The following SPIRE1 variants were observed in gnomAD, a reference collection of about 807,000 sequenced individuals.
The protein encoded by SPIRE1 is protein spire homolog 1.
Under a neutral mutation model 94.1 loss-of-function variants are expected in SPIRE1, and 40 were observed. The observed-to-expected ratio is 0.43, with a 90% CI of 0.33 to 0.55. SPIRE1 has a LOEUF of 0.55. Among genes scored for constraint, SPIRE1 ranks in the 20% least tolerant of loss-of-function variants. The pLI is 0.06. For missense variants in SPIRE1, 838 were observed against 975.2 expected (o/e 0.86, Z 1.87); for synonymous variants, 376 against 371.7 (o/e 1.01, Z -0.13).
intron 12 of SPIRE1, among the ~76,000 whole-genome samples, chr18:12,461,575 A>G (rs4998305): frequency 0.16 from 11,620 of 74,152 alleles, 687 homozygotes; most frequent in East Asian, 0.27. Flanking sequence ...ATGTATGTAC[A>G]TACATATGTA....
In SPIRE1 at chr18:12,541,622, G is replaced by A. The variant is rs74893912; in HGVS notation, c.603+5052C>T. ...TAGGTCCATTTTATATTAAAATAAT[G>A]TCTGTGATACTTTTCTTTTGGTTAG... is the stretch of plus-strand genomic sequence containing the variant. On this transcript the variant is annotated intron_variant, in intron 3 of 16. Transcript: ENST00000409402. Among the ~76,000 whole-genome samples the A allele has an allele frequency of 2.2e-3, 338 of 152,034 alleles. 12 individuals carry two copies. The East Asian group carries it at 0.061, about 28-fold the overall frequency.
chr18:12,574,240 T>G (rs2036033946), intron 2 of SPIRE1, among the ~76,000 whole-genome samples: 1 of 152,184 alleles, frequency 6.6e-6, no homozygotes, highest in South Asian at 2.1e-4. Context: ...AAAGTATTAA[T>G]TTTTAAAAAA....
chr18:12,622,372 C>T (rs2037496238), intron 2 of SPIRE1, among the ~76,000 whole-genome samples: 2 of 151,000 alleles, frequency 1.3e-5, no homozygotes, highest in South Asian at 4.2e-4. Flanking sequence ...AAAAAAATTT[C>T]AGACAGAAAT....
At chr18:12,622,604 A>C (rs2144748727) in intron 2 of SPIRE1, among the ~76,000 whole-genome samples, 1 of 150,852 alleles carries the variant, frequency 6.6e-6, no homozygotes, top group Non-Finnish European at 1.5e-5. Flanking sequence ...TTGTATTTTT[A>C]GTAGAGACAG....
At chr18:12,583,171 T>C (rs1381874035) in intron 2 of SPIRE1, among the ~76,000 whole-genome samples, 1 of 152,112 alleles carries the variant, frequency 6.6e-6, no homozygotes, top group Non-Finnish European at 1.5e-5. Context: ...TCAGAAATCA[T>C]AATAAGTGTA....
At chr18:12,598,491 G>C (rs2036741573) in intron 2 of SPIRE1, among the ~76,000 whole-genome samples, 2 of 151,382 alleles carry the variant, frequency 1.3e-5, no homozygotes, top group African/African-American at 2.4e-5. Flanking sequence ...AACTTCACCA[G>C]ACCAAATTAA....
At position 12,546,772 on chromosome 18, in the gene SPIRE1, T is replaced by C; in HGVS notation, c.505A>G (p.Ser169Gly). ...HMANTVEADG[S>G]NDEGYEAAEE... ...GCAGCCTCATAGCCCTCATCATTGC[T>C]ACCGTCAGCTTCCACCGTGTTGGCC... Residue 169 changes from serine (S) to glycine (G), a missense_variant, in exon 3 of 17, where the codon AGC becomes GGC. By Grantham distance (56) the Ser-to-Gly change is moderately conservative (BLOSUM62 0). Around this residue, in one of 2 missense-constraint regions of SPIRE1, gnomAD observed 645 missense variants for 804.7 expected, o/e 0.80. Transcript: ENST00000409402. The C allele has an allele frequency of 6.2e-7, 1 of 1,614,162 alleles. No individual in the cohort carries two copies. Among genetic ancestry groups the C allele is most frequent in the South Asian group, 1.1e-5 (1 of 91,074 alleles).
chr18:12,561,979 C>T (rs2035700115), intron 2 of SPIRE1, among the ~76,000 whole-genome samples: 1 of 152,138 alleles, frequency 6.6e-6, no homozygotes, highest in African/African-American at 2.4e-5. Flanking sequence ...AGTACTATCA[C>T]CAGCAACATT....
intron 4 of SPIRE1, among the ~76,000 whole-genome samples, chr18:12,521,824 C>T (rs1419685077): frequency 6.6e-6 from 1 of 151,778 alleles, no homozygotes; most frequent in Non-Finnish European, 1.5e-5. Flanking sequence ...TTTGATGTTA[C>T]TATTGTCATT....
intron 5 of SPIRE1, among the ~76,000 whole-genome samples, chr18:12,507,929 G>A (rs972595456): frequency 8.6e-5 from 13 of 151,946 alleles, no homozygotes; most frequent in Admixed American, 4.6e-4. Context: ...GACAGACCAT[G>A]AGGTCAGAAG....
chr18:12,578,123 C>T (rs2036160569), intron 2 of SPIRE1, among the ~76,000 whole-genome samples: 2 of 152,186 alleles, frequency 1.3e-5, no homozygotes, highest in African/African-American at 4.8e-5. Flanking sequence ...AACGCAACCA[C>T]ATTGTAAAAT....
At chr18:12,455,381 T>C (rs552405) in intron 12 of SPIRE1, among the ~76,000 whole-genome samples, 112,070 of 152,110 alleles carry the variant, frequency 0.74, 41,781 homozygotes, top group Middle Eastern at 0.93. Context: ...AACTGGAACA[T>C]GAAACTACTG....
chr18:12,513,384 TGA>T (rs1280229249), intron 4 of SPIRE1, among the ~76,000 whole-genome samples: 2 of 152,182 alleles, frequency 1.3e-5, no homozygotes, highest in African/African-American at 4.8e-5. Flanking sequence ...GCACTTAAAC[TGA>T]GTTTTAAAAA....
At chr18:12,535,639 C>T in intron 3 of SPIRE1, 38 bp from the exon 4 acceptor site, 1 of 1,585,938 alleles carries the variant, frequency 6.3e-7, no homozygotes, top group Non-Finnish European at 8.6e-7. Flanking sequence ...TGCTTGGTTA[C>T]TATTTGGGTT....
At chr18:12,455,696 T>A (rs1375551417) in intron 12 of SPIRE1, among the ~76,000 whole-genome samples, 2 of 152,162 alleles carry the variant, frequency 1.3e-5, no homozygotes, top group Non-Finnish European at 2.9e-5. Flanking sequence ...ATTCGGACCC[T>A]GCCAGGCTGC....
chr18:12,626,886 A>ATATATATATATATTTTT (rs55915333), intron 2 of SPIRE1, among the ~76,000 whole-genome samples: 1 of 111,894 alleles, frequency 8.9e-6, no homozygotes, highest in Admixed American at 1.0e-4. Flanking sequence ...ATATATATAT[A>ATATATATATATATTTTT]TTTTTTTTTT....
chr18:12,454,521 C>T (rs1568179292), intron 12 of SPIRE1, 38 bp from the exon 13 acceptor site: 4 of 1,610,982 alleles, frequency 2.5e-6, no homozygotes, highest in African/African-American at 1.3e-5. Flanking sequence ...GAGATTCCTA[C>T]CCCCTGTTCT....
intron 1 of SPIRE1, among the ~76,000 whole-genome samples, chr18:12,640,399 T>C (rs2038053051): frequency 6.6e-6 from 1 of 152,162 alleles, no homozygotes; most frequent in Non-Finnish European, 1.5e-5. Flanking sequence ...TACACCCTGC[T>C]CTCCTGCCAG....
chr18:12,586,636 C>T (rs1419259551), intron 2 of SPIRE1, among the ~76,000 whole-genome samples: 1 of 152,110 alleles, frequency 6.6e-6, no homozygotes. Context: ...ATTAGGCTTA[C>T]TTCTATATAG....
Sources: gnomAD v4.1 joint callset for allele counts (sites outside exome capture counted in the v4.1 genomes callset) on GRCh38, gnomAD v4.1.1 for gene constraint, gnomAD v4.1.1 regional missense constraint, MANE v1.5 for transcripts, NCBI Gene and HGNC (gene_info 2026-07-23, HGNC 2026-07-21) for gene names.